The following SMAD6 variants were observed in gnomAD, a reference collection of about 807,000 sequenced individuals.
SMAD6 encodes the protein MAD homolog 6.
Under a neutral mutation model 39.4 loss-of-function variants are expected in SMAD6, and 103 were observed. The ratio of observed to expected loss-of-function variants is 2.62; its 90% CI spans 2.23 to 3.08. SMAD6 has a LOEUF of 3.08. Ranked by LOEUF, SMAD6 falls within the 30% of genes most tolerant of loss-of-function variation. SMAD6 has a pLI of 0.00. For missense variants in SMAD6, 1,104 were observed against 742.9 expected (o/e 1.49, Z -5.65); for synonymous variants, 445 against 353.3 (o/e 1.26, Z -2.91).
At chr15:66,717,244 T>G (rs566444483) in intron 3 of SMAD6, 1 of 725,762 alleles carries the variant, frequency 1.4e-6, no homozygotes, top group Non-Finnish European at 2.1e-6. Context: ...TGGCTGGGAC[T>G]GACAGCCCCT....
intron 3 of SMAD6, among the ~76,000 whole-genome samples, chr15:66,757,195 GA>G (rs1894116134): frequency 6.6e-6 from 1 of 152,188 alleles, no homozygotes; most frequent in Non-Finnish European, 1.5e-5. Context: ...AAACACAGCA[GA>G]CGTCCAGGGA....
intron 3 of SMAD6, among the ~76,000 whole-genome samples, chr15:66,716,729 G>A (rs1893337735): frequency 6.6e-6 from 1 of 152,192 alleles, no homozygotes; most frequent in Admixed American, 6.5e-5. Flanking sequence ...TGTCTACCAC[G>A]TTTTAACCAG....
chr15:66,750,032 C>G (rs942371221), intron 3 of SMAD6, among the ~76,000 whole-genome samples: 2 of 152,220 alleles, frequency 1.3e-5, no homozygotes, highest in Non-Finnish European at 2.9e-5. Context: ...AGCCCTCACA[C>G]ACGTGTTCTT....
In SMAD6 at chr15:66,718,643, C is replaced by T. The variant is rs12913122; in HGVS notation, c.952+2145C>T. Among the ~76,000 whole-genome samples, 1,103 of 152,246 alleles carry T rather than the reference C, an allele frequency of 7.2e-3. 9 individuals are homozygous for T. The highest frequency in any genetic ancestry group is 0.011 in the Non-Finnish European group (779 of 68,018). The stretch of plus-strand genomic sequence containing the variant: ...CCTGGTCCCTTCCAGGGATGCCATG[C>T]GTGGAATGTTCCCCGCTGAGGGCCC... On this transcript the variant is annotated intron_variant, in intron 3 of 3. Transcript: ENST00000288840.
chr15:66,760,210 G>A (rs1174350826), intron 3 of SMAD6, among the ~76,000 whole-genome samples: 2 of 150,146 alleles, frequency 1.3e-5, no homozygotes, highest in African/African-American at 2.5e-5. Context: ...CATTTATAAT[G>A]CTCTTTTGCG....
chr15:66,703,945 C>CT lies in SMAD6; in HGVS notation c.690dup (p.Arg231SerfsTer72), dbSNP rs1893046722. ...CGCCGCAGCTGCTGCTCGGCCGCCT[C>CT]TTTCGCTGGCCCGACCTGCAGCACG... is the stretch of plus-strand genomic sequence containing the variant. On this transcript the variant is annotated frameshift_variant, in exon 1 of 4. Transcript: ENST00000288840. LOFTEE classifies it high-confidence loss of function. 5 of 1,390,168 alleles carry CT rather than the reference C, an allele frequency of 3.6e-6. No homozygotes were observed. Among genetic ancestry groups the CT allele is most frequent in the African/African-American group, 1.5e-5 (1 of 67,012 alleles). 86.1% of individuals were successfully genotyped at this position (1,390,168 alleles called of 1,614,324 possible). A position where few individuals can be genotyped will look rare whatever the true frequency, so the allele number is the denominator to read the frequency against.
At chr15:66,740,273 C>T (rs1893790849) in intron 3 of SMAD6, among the ~76,000 whole-genome samples, 1 of 152,240 alleles carries the variant, frequency 6.6e-6, no homozygotes, top group Non-Finnish European at 1.5e-5. Flanking sequence ...TGAGCTTCTG[C>T]AGCCCTGGGC....
chr15:66,715,837 T>G lies in SMAD6; in HGVS notation c.875-584T>G, dbSNP rs374008544. On this transcript the variant is annotated intron_variant, in intron 2 of 3. Coordinates refer to ENST00000288840, the MANE Select transcript of SMAD6 (RefSeq NM_005585.5). ...TAAAAGTTGCTCTTGTGAGCAGGTTTGGATGTTAGGGAGTGGGGGAGGGGA... is the reference window on the plus strand; with the variant it reads ...TAAAAGTTGCTCTTGTGAGCAGGTTGGGATGTTAGGGAGTGGGGGAGGGGA... 8.6e-4 allele frequency among the ~76,000 whole-genome samples: 129 copies of G among 149,184 alleles called. 1 individual carries two copies. The Middle Eastern group carries it at 0.011, about 12-fold the overall frequency.
At chr15:66,768,627 TC>T (rs1894329877) in intron 3 of SMAD6, among the ~76,000 whole-genome samples, 1 of 152,198 alleles carries the variant, frequency 6.6e-6, no homozygotes, top group African/African-American at 2.4e-5. Flanking sequence ...CCAGGCTGCA[TC>T]AGGAGGATCA....
rs1196045687 is a variant in SMAD6 at position 66,749,673 on chromosome 15, A to T, written c.953-31324A>T. Reference sequence around the variant, plus strand: ...CAGAGGGCCCTTGCAGGTCTAGGAAACTAGGGGGCAGAGACACAGCGATCA... The same window carrying T: ...CAGAGGGCCCTTGCAGGTCTAGGAATCTAGGGGGCAGAGACACAGCGATCA... On this transcript the variant is annotated intron_variant, in intron 3 of 3. Coordinates refer to ENST00000288840, the MANE Select transcript of SMAD6 (RefSeq NM_005585.5). Among the ~76,000 whole-genome samples the T allele has an allele frequency of 2.6e-5, 4 of 152,170 alleles. No homozygotes were observed. The South Asian group carries it at 8.3e-4, about 32-fold the overall frequency.
rs774070597 is a variant in SMAD6 at position 66,704,032 on chromosome 15, C to A, written c.774C>A (p.Thr258=). 63 of 1,514,134 alleles carry A rather than the reference C, an allele frequency of 4.2e-5. 2 individuals carry two copies. In the South Asian group the frequency reaches 7.2e-4, roughly 17 times the overall value. The allele number at this position is 1,514,134 out of a possible 1,614,324, so 93.8% of individuals were successfully genotyped here. Residue 258 remains threonine, a synonymous_variant, in exon 1 of 4, where the codon ACC becomes ACA. Transcript: ENST00000288840. ...TCGCCGCCGCCGCCGACGGCCCTAC[C>A]GTGTGCTGCAACCCCTACCACTTCA... is the stretch of plus-strand genomic sequence containing the variant. ...HSFAAAADGP[T]VCCNPYHFSR... is the part of the protein sequence containing the mutation.
intron 3 of SMAD6, among the ~76,000 whole-genome samples, chr15:66,764,383 T>A (rs1894254961): frequency 6.6e-6 from 1 of 152,172 alleles, no homozygotes; most frequent in Non-Finnish European, 1.5e-5. Context: ...CTTTATTGTA[T>A]GTGCACAATA....
At chr15:66,733,298 AT>A (rs1389274353) in intron 3 of SMAD6, among the ~76,000 whole-genome samples, 5 of 152,200 alleles carry the variant, frequency 3.3e-5, no homozygotes, top group Non-Finnish European at 7.4e-5. Flanking sequence ...ATGTATATAA[AT>A]TTTAGAATTA....
At chr15:66,707,332 G>A (rs959289231) in intron 1 of SMAD6, 3 of 151,784 alleles carry the variant, frequency 2.0e-5, no homozygotes, top group Non-Finnish European at 4.4e-5. Flanking sequence ...AATTGCGCCC[G>A]GGGAAGAGAG....
At chr15:66,730,393 C>T (rs1307587912) in intron 3 of SMAD6, among the ~76,000 whole-genome samples, 2 of 152,216 alleles carry the variant, frequency 1.3e-5, no homozygotes, top group Admixed American at 1.3e-4. Context: ...AGTGGCCTCT[C>T]TCTTCTGAAC....
chr15:66,732,487 A>G (rs189717142), intron 3 of SMAD6, among the ~76,000 whole-genome samples: 14 of 152,186 alleles, frequency 9.2e-5, no homozygotes, highest in African/African-American at 3.4e-4. Flanking sequence ...AGTAGATGTG[A>G]CTACAGCTGT....
intron 3 of SMAD6, among the ~76,000 whole-genome samples, chr15:66,728,793 A>C (rs1893569771): frequency 6.6e-6 from 1 of 152,214 alleles, no homozygotes. Flanking sequence ...CTACTAGTCT[A>C]ACATATCCAT....
intron 3 of SMAD6, among the ~76,000 whole-genome samples, chr15:66,765,284 G>A (rs1894269056): frequency 1.3e-5 from 2 of 152,118 alleles, no homozygotes; most frequent in Admixed American, 1.3e-4. Context: ...GAGTGCAGTG[G>A]CGCAATCTGG....
chr15:66,703,386 C>G lies in SMAD6; in HGVS notation c.128C>G (p.Ala43Gly). The change falls in exon 1 of 4, where the codon GCT becomes GGT. Residue 43 changes from alanine to glycine, a missense_variant. Coordinates refer to ENST00000288840, the MANE Select transcript of SMAD6 (RefSeq NM_005585.5). ...GDEDGSLGSRAEPAPRAREGG... is the reference protein window; with the variant it reads ...GDEDGSLGSRGEPAPRAREGG... ...GAGGATGGGAGCTTGGGCAGCCGAG[C>G]TGAGCCGGCCCCGCGGGCAAGAGAG... is the stretch of plus-strand genomic sequence containing the variant. 1 of 1,430,162 alleles carries G rather than the reference C, an allele frequency of 7.0e-7. No homozygotes were observed. Among genetic ancestry groups the G allele is most frequent in the East Asian group, 3.0e-5 (1 of 33,036 alleles). 88.6% of individuals were successfully genotyped at this position (1,430,162 alleles called of 1,614,324 possible). A position where few individuals can be genotyped will look rare whatever the true frequency, so the allele number is the denominator to read the frequency against.
Sources: gnomAD v4.1 joint callset for allele counts (sites outside exome capture counted in the v4.1 genomes callset) on GRCh38, gnomAD v4.1.1 for gene constraint, MANE v1.5 for transcripts, NCBI Gene and HGNC (gene_info 2026-07-23, HGNC 2026-07-21) for gene names.